The following GDF7 variants were observed in gnomAD, a reference collection of about 807,000 sequenced individuals.
GDF7 encodes growth/differentiation factor 7.
A neutral mutation model predicts 13.4 loss-of-function variants in GDF7; 12 were observed. The observed-to-expected ratio is 0.90, with a 90% confidence interval of 0.57 to 1.45. GDF7 has a LOEUF of 1.45. Ranked by LOEUF, GDF7 falls within the 40% of genes most tolerant of loss-of-function variation. The pLI is 0.00. For synonymous variants in GDF7, 330 were observed against 306.4 expected (o/e 1.08, Z -0.80); for missense variants, 651 against 652.4 (o/e 1.00, Z 0.02).
intron 1 of GDF7, 100 bp from the exon 2 acceptor site, chr2:20,670,364 A>G (rs1226525735): frequency 7.8e-7 from 1 of 1,285,498 alleles, no homozygotes; most frequent in African/African-American, 1.6e-5. Context: ...CCCACATCGA[A>G]GACAGCTGGG....
chr2:20,668,790 C>T (rs962543582), intron 1 of GDF7, among the ~76,000 whole-genome samples: 2 of 152,208 alleles, frequency 1.3e-5, no homozygotes, highest in African/African-American at 4.8e-5. Flanking sequence ...TACCCAATCC[C>T]CAAATGGCCC....
chr2:20,670,315 G>C lies in GDF7; in HGVS notation c.392-149G>C, dbSNP rs113518648. 8.3e-4 allele frequency: 697 copies of C among 843,236 alleles called. 6 individuals are homozygous for C. The African/African-American group carries it at 0.012, about 14-fold the overall frequency. The allele number at this position is 843,236 out of a possible 1,614,324, so 52.2% of individuals were successfully genotyped here. On this transcript the variant is annotated intron_variant, in intron 1 of 1. Transcript: ENST00000272224. ...GGCTGGCAGCGTTCAGGCTGGGGCA[G>C]AGACGCGGAGTCGGGCGCTGGCTCC...
Position 20,676,977 on chromosome 2 carries a change from G to A in GDF7, c.*5552G>A, listed in dbSNP as rs1421687290. 1 of 152,268 alleles carries A rather than the reference G, an allele frequency of 6.6e-6. No homozygotes were observed. Among genetic ancestry groups the A allele is most frequent in the Non-Finnish European group, 1.5e-5 (1 of 68,060 alleles). 9.4% of individuals were successfully genotyped at this position (152,268 alleles called of 1,614,324 possible). On this transcript the variant is annotated 3_prime_UTR_variant, in exon 2 of 2. Transcript: ENST00000272224. ...TCTAGCATCTGTGCATGGTGCGCATGTGTCTGTGACAACAGAAAGGGTGGG... is the reference window on the plus strand; with the variant it reads ...TCTAGCATCTGTGCATGGTGCGCATATGTCTGTGACAACAGAAAGGGTGGG...
rs747247597 is a variant in GDF7 at position 20,678,334 on chromosome 2, A to G, written c.*6909A>G. The stretch of plus-strand genomic sequence containing the variant: ...TTTATGTTTTCTTTGACGAAGAATC[A>G]TAATTGAGTCACTTTAGGTCTTTTA... On this transcript the variant is annotated 3_prime_UTR_variant, in exon 2 of 2. Transcript: ENST00000272224. 1.3e-5 allele frequency: 2 copies of G among 152,254 alleles called. No individual in the cohort carries two copies. Among genetic ancestry groups the G allele is most frequent in the Admixed American group, 6.5e-5 (1 of 15,288 alleles). 9.4% of individuals were successfully genotyped at this position (152,254 alleles called of 1,614,324 possible). A position where few individuals can be genotyped will look rare whatever the true frequency, so the allele number is the denominator to read the frequency against.
rs113597264 is a variant in GDF7 at position 20,670,809 on chromosome 2, C to T, written c.737C>T (p.Ala246Val). The T allele has an allele frequency of 2.7e-6, 4 of 1,492,422 alleles. No individual in the cohort carries two copies. The highest frequency in any genetic ancestry group is 2.6e-5 in the South Asian group (2 of 78,264). 92.4% of individuals were successfully genotyped at this position (1,492,422 alleles called of 1,614,324 possible). A position where few individuals can be genotyped will look rare whatever the true frequency, so the allele number is the denominator to read the frequency against. Residue 246 changes from alanine (A) to valine (V), a missense_variant, in exon 2 of 2, where the codon GCA (alanine) becomes GTA (valine). Transcript: ENST00000272224. ...AVAGPVPSPL[A>V]LRRLGFGWPG... ...GCAGGCCCGGTGCCGAGCCCGTTGG[C>T]ACTGCGGCGGCTGGGCTTCGGCTGG...
In GDF7 at chr2:20,674,673, G is replaced by A. The variant is rs1372866755; in HGVS notation, c.*3248G>A. On this transcript the variant is annotated 3_prime_UTR_variant, in exon 2 of 2. Transcript: ENST00000272224. ...GTGGCAGGCTTTGCTGTGTTAGCTT[G>A]GGGAAGCCAGGCTTGAGCTGTGCTC... The A allele has an allele frequency of 1.3e-5, 2 of 152,394 alleles. No individual in the cohort carries two copies. The highest frequency in any genetic ancestry group is 4.8e-5 in the African/African-American group (2 of 41,588). The allele number at this position is 152,394 out of a possible 1,614,324, so 9.4% of individuals were successfully genotyped here. A position where few individuals can be genotyped will look rare whatever the true frequency, so the allele number is the denominator to read the frequency against.
At position 20,671,691 on chromosome 2, in the gene GDF7, G is replaced by GC. The variant is rs1662130826; in HGVS notation, c.*269dup. On this transcript the variant is annotated 3_prime_UTR_variant, in exon 2 of 2. Coordinates refer to ENST00000272224, the MANE Select transcript of GDF7 (RefSeq NM_182828.4). Reference sequence around the variant, plus strand: ...TATTTTGCAAACAGATAACCATGGCGCCCACTGCCCCCATTTAGGGAGAGG... The same window carrying GC: ...TATTTTGCAAACAGATAACCATGGCGCCCCACTGCCCCCATTTAGGGAGAGG... 2.1e-6 allele frequency: 1 copy of GC among 468,710 alleles called. No homozygotes were observed. The highest frequency in any genetic ancestry group is 3.7e-5 in the Admixed American group (1 of 26,820). 29.0% of individuals were successfully genotyped at this position (468,710 alleles called of 1,614,324 possible). A position where few individuals can be genotyped will look rare whatever the true frequency, so the allele number is the denominator to read the frequency against.
At position 20,677,746 on chromosome 2, in the gene GDF7, A is replaced by C. The variant is rs566892704; in HGVS notation, c.*6321A>C. The C allele has an allele frequency of 1.3e-5, 2 of 152,366 alleles. No individual in the cohort carries two copies. The highest frequency in any genetic ancestry group is 3.9e-4 in the East Asian group (2 of 5,188). The allele number at this position is 152,366 out of a possible 1,614,324, so 9.4% of individuals were successfully genotyped here. On this transcript the variant is annotated 3_prime_UTR_variant, in exon 2 of 2. Coordinates refer to ENST00000272224, the MANE Select transcript of GDF7 (RefSeq NM_182828.4). ...GAAGCTGGTGAGCTGGTGCAACTGC[A>C]CACACCTTTTCTCTGGTTTTTAGTA... is the stretch of plus-strand genomic sequence containing the variant.
chr2:20,668,633 T>G (rs1364530119), intron 1 of GDF7, among the ~76,000 whole-genome samples: 1 of 152,192 alleles, frequency 6.6e-6, no homozygotes, highest in Non-Finnish European at 1.5e-5. Flanking sequence ...GCAGCCCTGC[T>G]TGGGAGCCAC....
At chr2:20,669,787 C>G (rs745829802) in intron 1 of GDF7, among the ~76,000 whole-genome samples, 25 of 152,262 alleles carry the variant, frequency 1.6e-4, no homozygotes, top group Non-Finnish European at 2.9e-4. Flanking sequence ...CCTCAGTTCC[C>G]CTTCGGCAGA....
In GDF7 at chr2:20,674,709, T is replaced by G. The variant is rs1558364229; in HGVS notation, c.*3284T>G. On this transcript the variant is annotated 3_prime_UTR_variant, in exon 2 of 2. Transcript: ENST00000272224. ...GCTTGAGCTGTGCTCAGTCATTGTA[T>G]CCATGCTCCCCTTCACCATACCCTC... 1.3e-5 allele frequency: 2 copies of G among 152,258 alleles called. No individual in the cohort carries two copies. The highest frequency in any genetic ancestry group is 2.9e-5 in the Non-Finnish European group (2 of 68,072). The allele number at this position is 152,258 out of a possible 1,614,324, so 9.4% of individuals were successfully genotyped here. A position where few individuals can be genotyped will look rare whatever the true frequency, so the allele number is the denominator to read the frequency against.
chr2:20,672,487 A>G lies in GDF7; in HGVS notation c.*1062A>G, dbSNP rs1662148535. On this transcript the variant is annotated 3_prime_UTR_variant, in exon 2 of 2. Transcript: ENST00000272224. ...AGCCGAGGACTCCGGCTTGCCGGCC[A>G]GGTAGGCGGAAGCTCCCGGGGCCGA... 6.6e-6 allele frequency: 1 copy of G among 152,272 alleles called. No homozygotes were observed. Among genetic ancestry groups the G allele is most frequent in the Non-Finnish European group, 1.5e-5 (1 of 68,050 alleles). The allele number at this position is 152,272 out of a possible 1,614,324, so 9.4% of individuals were successfully genotyped here.
chr2:20,667,555 G>C lies in GDF7; in HGVS notation c.316G>C (p.Gly106Arg). The C allele has an allele frequency of 6.7e-7, 1 of 1,483,038 alleles. No homozygotes were observed. Among genetic ancestry groups the C allele is most frequent in the Non-Finnish European group, 8.9e-7 (1 of 1,123,068 alleles). The allele number at this position is 1,483,038 out of a possible 1,614,324, so 91.9% of individuals were successfully genotyped here. A position where few individuals can be genotyped will look rare whatever the true frequency, so the allele number is the denominator to read the frequency against. The change falls in exon 1 of 2, where the codon GGG becomes CGG. Residue 106 changes from glycine (G) to arginine (R), a missense_variant. Gly to Arg is a moderately radical substitution (Grantham distance 125). Around this residue, in one of 4 missense-constraint regions of GDF7, gnomAD observed 487 missense variants for 445.9 expected, o/e 1.09. Coordinates refer to ENST00000272224, the MANE Select transcript of GDF7 (RefSeq NM_182828.4). The surrounding 1 kb of genome is among the most constrained non-coding windows in gnomAD (Gnocchi z 6.4). The part of the protein sequence containing the change: ...YRSLAGRAPA[G>R]AAAVSASGHG... ...GAGCCTGGCCGGGAGGGCTCCGGCC[G>C]GGGCAGCCGCTGTCTCCGCCTCGGG...
At position 20,670,843 on chromosome 2, in the gene GDF7, A is replaced by G; in HGVS notation, c.771A>G (p.Gly257=). 1 of 1,497,142 alleles carries G rather than the reference A, an allele frequency of 6.7e-7. No individual in the cohort carries two copies. The highest frequency in any genetic ancestry group is 8.8e-7 in the Non-Finnish European group (1 of 1,129,982). The allele number at this position is 1,497,142 out of a possible 1,614,324, so 92.7% of individuals were successfully genotyped here. ...GGCTGGGCTTCGGCTGGCCGGGCGG[A>G]GGGGGCTCTGCGGCAGAGGAGCGCG... ...LRRLGFGWPG[G]GGSAAEERAV... The change falls in exon 2 of 2, where the codon GGA becomes GGG. Residue 257 remains glycine (G), a synonymous_variant. Transcript: ENST00000272224.
At position 20,677,676 on chromosome 2, in the gene GDF7, C is replaced by A. The variant is rs72784331; in HGVS notation, c.*6251C>A. On this transcript the variant is annotated 3_prime_UTR_variant, in exon 2 of 2. Coordinates refer to ENST00000272224, the MANE Select transcript of GDF7 (RefSeq NM_182828.4). ...TCCAAAGCAAACGGGGCTAAACTTCCCTCGAGGACATTTCCTGAGCTGCAA... is the reference window on the plus strand; with the variant it reads ...TCCAAAGCAAACGGGGCTAAACTTCACTCGAGGACATTTCCTGAGCTGCAA... 15,660 of 152,328 alleles carry A rather than the reference C, an allele frequency of 0.1. 893 individuals are homozygous for A. Among genetic ancestry groups the A allele is most frequent in the Non-Finnish European group, 0.14 (9,415 of 68,032 alleles). 9.4% of individuals were successfully genotyped at this position (152,328 alleles called of 1,614,324 possible).
chr2:20,668,981 T>C (rs1018371410), intron 1 of GDF7, among the ~76,000 whole-genome samples: 3 of 152,184 alleles, frequency 2.0e-5, no homozygotes, highest in Non-Finnish European at 1.5e-5. Context: ...CAGAGTCTTC[T>C]TAAGGTTGAG....
rs1662269518 is a variant in GDF7 at position 20,678,476 on chromosome 2, G to C, written c.*7051G>C. 1 of 152,206 alleles carries C rather than the reference G, an allele frequency of 6.6e-6. No individual in the cohort carries two copies. The allele number at this position is 152,206 out of a possible 1,614,324, so 9.4% of individuals were successfully genotyped here. A position where few individuals can be genotyped will look rare whatever the true frequency, so the allele number is the denominator to read the frequency against. On this transcript the variant is annotated 3_prime_UTR_variant, in exon 2 of 2. Transcript: ENST00000272224. ...TAAGGGATTCTGAAAAGTTTGGACT[G>C]TCTTTTTCTTTTTGTATACAAATAA...
rs1662259166 is a variant in GDF7 at position 20,677,861 on chromosome 2, G to A, written c.*6436G>A. ...GAATGAGTCTGAAAAGCAGTGACCA[G>A]GTGTGTTGAGGGCCTCCCCTTGCCT... On this transcript the variant is annotated 3_prime_UTR_variant, in exon 2 of 2. Transcript: ENST00000272224. The A allele has an allele frequency of 6.6e-6, 1 of 152,426 alleles. No homozygotes were observed. Among genetic ancestry groups the A allele is most frequent in the African/African-American group, 2.4e-5 (1 of 41,458 alleles). 9.4% of individuals were successfully genotyped at this position (152,426 alleles called of 1,614,324 possible). A position where few individuals can be genotyped will look rare whatever the true frequency, so the allele number is the denominator to read the frequency against.
chr2:20,672,613 T>C lies in GDF7; in HGVS notation c.*1188T>C, dbSNP rs1466828877. ...TTGGCAGTGTGATAGTAACGGGAAG[T>C]GAAGCCACTCAAAAATGCTTTTGTC... On this transcript the variant is annotated 3_prime_UTR_variant, in exon 2 of 2. Transcript: ENST00000272224. 1.3e-5 allele frequency: 2 copies of C among 152,266 alleles called. No homozygotes were observed. Among genetic ancestry groups the C allele is most frequent in the Admixed American group, 6.5e-5 (1 of 15,288 alleles). The allele number at this position is 152,266 out of a possible 1,614,324, so 9.4% of individuals were successfully genotyped here.
Sources: allele counts gnomAD v4.1 joint callset (sites outside exome capture counted in the v4.1 genomes callset), GRCh38; gene constraint gnomAD v4.1.1; regional missense constraint gnomAD v4.1.1; non-coding constraint Gnocchi (gnomAD v3.1); transcripts MANE v1.5; gene names NCBI Gene and HGNC (gene_info 2026-07-23, HGNC 2026-07-21).